MAPK10: variants seen among roughly 807,000 people sequenced by gnomAD.
MAPK10 encodes the protein JNK3 alpha protein kinase.
A neutral mutation model predicts 59.3 loss-of-function variants in MAPK10; 25 were observed. That is an observed-to-expected ratio of 0.42 (90% confidence interval 0.31 to 0.59). The LOEUF (loss-of-function observed/expected upper bound fraction) is 0.59, where lower values mean the gene tolerates loss of function less well. MAPK10 is among the 20% of genes least tolerant of loss of function. MAPK10 has a pLI of 0.15. For missense variants in MAPK10, 351 were observed against 568.9 expected, an observed-to-expected ratio of 0.62 and a Z score of 3.90; for synonymous variants, 190 against 200.5, an observed-to-expected ratio of 0.95 and a Z score of 0.44.
intron 5 of MAPK10, among the ~76,000 whole-genome samples, chr4:86,103,893 G>C (rs1385809858): frequency 1.3e-5 from 2 of 151,840 alleles, no homozygotes; most frequent in Non-Finnish European, 2.9e-5. Context: ...TCTAGTATAA[G>C]CAAATTTTGT....
chr4:86,559,834 G>A (rs1337478634), intron 1 of MAPK10, among the ~76,000 whole-genome samples: 1 of 151,866 alleles, frequency 6.6e-6, no homozygotes, highest in Admixed American at 6.6e-5. Context: ...AGCTACTGGG[G>A]AGGCTGAGGC....
intron 1 of MAPK10, among the ~76,000 whole-genome samples, chr4:86,586,806 G>A (rs143849327): frequency 6.6e-6 from 1 of 152,110 alleles, no homozygotes; most frequent in Admixed American, 6.6e-5. Flanking sequence ...AGGGGAAAAC[G>A]GGAAATAAGC....
chr4:86,045,317 T>C (rs1319694660), intron 11 of MAPK10, among the ~76,000 whole-genome samples: 2 of 152,140 alleles, frequency 1.3e-5, no homozygotes, highest in Non-Finnish European at 2.9e-5. Flanking sequence ...AATCACCCAG[T>C]GCCTTGGTCA....
At chr4:86,382,420 A>G (rs1237257177) in intron 1 of MAPK10, among the ~76,000 whole-genome samples, 1 of 152,074 alleles carries the variant, frequency 6.6e-6, no homozygotes, top group Non-Finnish European at 1.5e-5. Flanking sequence ...TTCTAATTGT[A>G]CCCTATTGCT....
chr4:86,191,934 C>T (rs1436006848), intron 3 of MAPK10: 1 of 152,082 alleles, frequency 6.6e-6, no homozygotes, highest in Non-Finnish European at 1.5e-5. Context: ...GTATTTAGTG[C>T]TCCCTTCAGG....
At chr4:86,135,944 GATGAAATGA>G (rs1423529815) in intron 4 of MAPK10, among the ~76,000 whole-genome samples, 2 of 152,172 alleles carry the variant, frequency 1.3e-5, no homozygotes, top group Admixed American at 6.5e-5. Context: ...AGCAATGGAA[GATGAAATGA>G]ATGAAATGAA....
chr4:86,146,774 T>A (rs1248270688), intron 4 of MAPK10, among the ~76,000 whole-genome samples: 2 of 152,258 alleles, frequency 1.3e-5, no homozygotes, highest in African/African-American at 4.8e-5. Context: ...TGTTTGAGCT[T>A]CTATCATTTT....
intron 1 of MAPK10, among the ~76,000 whole-genome samples, chr4:86,385,825 T>C (rs1274881789): frequency 6.6e-6 from 1 of 152,078 alleles, no homozygotes; most frequent in Non-Finnish European, 1.5e-5. Context: ...TATAATTTAG[T>C]GAAGTGAAAC....
At chr4:86,487,826 A>G (rs1434071938) in intron 1 of MAPK10, among the ~76,000 whole-genome samples, 1 of 152,160 alleles carries the variant, frequency 6.6e-6, no homozygotes, top group East Asian at 1.9e-4. Flanking sequence ...ATTTCAAAAT[A>G]CAACTTAAAA....
At chr4:86,101,414 G>C in intron 7 of MAPK10, 197 bp from the exon 8 acceptor site, 1 of 508,572 alleles carries the variant, frequency 2.0e-6, no homozygotes, top group South Asian at 3.1e-5. Context: ...TCCCAGAAAA[G>C]AATTGTATTA....
chr4:86,107,102 C>A lies in MAPK10; in HGVS notation c.366+121G>T, dbSNP rs1580361575. On this transcript the variant is annotated intron_variant, in intron 5 of 13. Transcript: ENST00000641462. ...GAATGTAGCATATTGGCAGGATAAA[C>A]AATCTTAAGAGGCAGGAATTGCAAA... is the stretch of plus-strand genomic sequence containing the variant. 5 of 716,730 alleles carry A rather than the reference C, an allele frequency of 7.0e-6. No homozygotes were observed. In the Admixed American group the frequency reaches 8.4e-5, roughly 12 times the overall value. 44.4% of individuals were successfully genotyped at this position (716,730 alleles called of 1,614,324 possible). A position where few individuals can be genotyped will look rare whatever the true frequency, so the allele number is the denominator to read the frequency against.
chr4:86,098,628 G>A, intron 8 of MAPK10, 33 bp from the exon 9 acceptor site: 1 of 1,493,942 alleles, frequency 6.7e-7, no homozygotes, highest in Non-Finnish European at 9.3e-7. Context: ...GTGAAGAAAA[G>A]GGAGGAAAGT....
chr4:86,064,314 T>C lies in MAPK10; in HGVS notation c.1062A>G (p.Leu354=), dbSNP rs2046306219. The stretch of plus-strand genomic sequence containing the variant: ...ACCAGACGTTGATGTAGGGATGCTG[T>C]AAGGCGTCGTCCACTGATATTCTTT... ...PAKRISVDDA[L]QHPYINVWYD... Residue 354 remains leucine, a synonymous_variant, in exon 11 of 14, where the codon TTA becomes TTG. Transcript: ENST00000641462. 3 of 1,614,066 alleles carry C rather than the reference T, an allele frequency of 1.9e-6. No individual in the cohort carries two copies. The highest frequency in any genetic ancestry group is 2.5e-6 in the Non-Finnish European group (3 of 1,180,030).
intron 2 of MAPK10, among the ~76,000 whole-genome samples, chr4:86,199,343 G>A (rs138527394): frequency 0.016 from 2,435 of 152,052 alleles, 79 homozygotes; most frequent in African/African-American, 0.055. Context: ...TTCCTTTAGT[G>A]GAATACCATA....
intron 1 of MAPK10, among the ~76,000 whole-genome samples, chr4:86,412,355 G>A (rs1030380216): frequency 2.0e-5 from 3 of 152,074 alleles, no homozygotes; most frequent in Admixed American, 6.6e-5. Context: ...TTTCAACGTT[G>A]GTGAATCTGA....
chr4:86,563,007 C>T (rs1045104808), intron 1 of MAPK10, among the ~76,000 whole-genome samples: 13 of 152,250 alleles, frequency 8.5e-5, no homozygotes, highest in Middle Eastern at 6.8e-3. Context: ...TCAAATACTA[C>T]CTTGTATTGT....
intron 1 of MAPK10, among the ~76,000 whole-genome samples, chr4:86,459,081 G>A (rs879289395): frequency 6.6e-6 from 1 of 151,846 alleles, no homozygotes; most frequent in African/African-American, 2.4e-5. Context: ...AACAAACAAG[G>A]CCATAAAAAA....
chr4:86,338,828 C>T (rs144253588), intron 2 of MAPK10, among the ~76,000 whole-genome samples: 178 of 147,410 alleles, frequency 1.2e-3, no homozygotes, highest in African/African-American at 4.2e-3. Context: ...GCAAACCAAT[C>T]TTTTTCAAAG....
chr4:86,179,012 C>T (rs2076299438), intron 3 of MAPK10, among the ~76,000 whole-genome samples: 1 of 151,900 alleles, frequency 6.6e-6, no homozygotes, highest in Non-Finnish European at 1.5e-5. Context: ...ACCATCCTGG[C>T]TAACATGATG....
Sources: allele counts gnomAD v4.1 joint callset (sites outside exome capture counted in the v4.1 genomes callset), GRCh38; gene constraint gnomAD v4.1.1; transcripts MANE v1.5; gene names NCBI Gene and HGNC (gene_info 2026-07-23, HGNC 2026-07-21).